The following TET2 variants were observed in gnomAD, a reference collection of about 807,000 sequenced individuals.
TET2 encodes tet methylcytosine dioxygenase 2, also known as methylcytosine dioxygenase TET2.
A neutral mutation model predicts 142.9 loss-of-function variants in TET2; 299 were observed. The ratio of observed to expected loss-of-function variants is 2.09; its 90% confidence interval spans 1.90 to 2.30. The LOEUF is 2.30. Ranked by LOEUF, TET2 falls within the 30% of genes most tolerant of loss-of-function variation. The pLI, the probability that TET2 is intolerant of heterozygous loss-of-function variation, is 0.00. For synonymous variants in TET2, 819 were observed against 849.0 expected, an observed-to-expected ratio of 0.96 and a Z score of 0.61; for missense variants, 2,418 against 2,378.0, an observed-to-expected ratio of 1.02 and a Z score of -0.35.
At chr4:105,225,185 C>CGTGTGTGTGTGTGTGTGTGTGTGTGT (rs79864807) in intron 2 of TET2, among the ~76,000 whole-genome samples, 17 of 147,216 alleles carry the variant, frequency 1.2e-4, no homozygotes, top group African/African-American at 2.0e-4. Context: ...AGTAAAAAAT[C>CGTGTGTGTGTGTGTGTGTGTGTGTGT]GTGTGTGTGT....
At chr4:105,263,750 G>C (rs1730555525) in intron 8 of TET2, among the ~76,000 whole-genome samples, 1 of 152,136 alleles carries the variant, frequency 6.6e-6, no homozygotes. Flanking sequence ...ATTATAAAGA[G>C]GACAAAGGGC....
chr4:105,262,770 A>G (rs1227644055), intron 8 of TET2, among the ~76,000 whole-genome samples: 4 of 151,938 alleles, frequency 2.6e-5, no homozygotes. Flanking sequence ...AATCCCAGCT[A>G]CTCGGAAGGC....
At chr4:105,257,745 A>G (rs7678440) in intron 6 of TET2, among the ~76,000 whole-genome samples, 78,814 of 151,898 alleles carry the variant, frequency 0.52, 20,824 homozygotes, top group African/African-American at 0.6. Flanking sequence ...ATTTACTTTT[A>G]AGCTTTTTTA....
intron 2 of TET2, among the ~76,000 whole-genome samples, chr4:105,228,775 T>C (rs1728326874): frequency 6.6e-6 from 1 of 152,174 alleles, no homozygotes; most frequent in African/African-American, 2.4e-5. Flanking sequence ...AGGATTTATT[T>C]AGATTTATGT....
In TET2 at chr4:105,237,139, C is replaced by G. The variant is rs774246302; in HGVS notation, c.3197C>G (p.Thr1066Ser). 8.7e-6 allele frequency: 14 copies of G among 1,614,022 alleles called. No homozygotes were observed. Among genetic ancestry groups the G allele is most frequent in the African/African-American group, 1.3e-5 (1 of 74,930 alleles). The change falls in exon 3 of 11, where the codon ACT becomes AGT. Residue 1066 changes from threonine to serine, a missense_variant. Physicochemically the swap from Thr to Ser is moderately conservative, Grantham distance 58 (BLOSUM62 1). Coordinates refer to ENST00000380013, the MANE Select transcript of TET2 (RefSeq NM_001127208.3). Reference protein sequence around the residue: ...VEMSGPVTVLTRQTTAAELDS... With the variant: ...VEMSGPVTVLSRQTTAAELDS... The stretch of plus-strand genomic sequence containing the variant: ...ATGTCAGGGCCAGTCACAGTTTTGA[C>G]TAGACAAACCACTGCTGCAGAACTT...
At chr4:105,274,273 A>G (rs376090259) in intron 10 of TET2, among the ~76,000 whole-genome samples, 32 of 152,206 alleles carry the variant, frequency 2.1e-4, no homozygotes, top group African/African-American at 6.8e-4. Context: ...ATGACTTTTT[A>G]AAGTGAGGTC....
chr4:105,237,784 G>A, intron 3 of TET2: 4 of 1,132,018 alleles, frequency 3.5e-6, no homozygotes, highest in Non-Finnish European at 4.4e-6. Context: ...AAATATATTA[G>A]TTTCACAAGA....
In TET2 at chr4:105,236,535, A is replaced by C. The variant is rs763872760; in HGVS notation, c.2593A>C (p.Met865Leu). The C allele has an allele frequency of 3.1e-6, 5 of 1,614,052 alleles. No homozygotes were observed. The highest frequency in any genetic ancestry group is 4.2e-6 in the Non-Finnish European group (5 of 1,180,020). The change falls in exon 3 of 11, where the codon ATG becomes CTG. Residue 865 changes from methionine (M) to leucine (L), a missense_variant. Coordinates refer to ENST00000380013, the MANE Select transcript of TET2 (RefSeq NM_001127208.3). Reference protein sequence around the residue: ...AGNKTQNLHHMQYFPNNVIPK... With the variant: ...AGNKTQNLHHLQYFPNNVIPK... ...AAACAAGACCCAAAACTTGCATCAC[A>C]TGCAATATTTTCCAAATAATGTGAT...
intron 1 of TET2, among the ~76,000 whole-genome samples, chr4:105,167,273 A>C (rs191234182): frequency 1.3e-5 from 2 of 152,208 alleles, no homozygotes; most frequent in East Asian, 3.9e-4. Context: ...AAAATGTATT[A>C]AATTTTGTGG....
rs149790859 is a variant in TET2 at position 105,254,477 on chromosome 4, T to A, written c.3804-5142T>A. On this transcript the variant is annotated intron_variant, in intron 6 of 10. Coordinates refer to ENST00000380013, the MANE Select transcript of TET2 (RefSeq NM_001127208.3). ...CCCAGGCTGGAGTGCAGTAGTATGA[T>A]CTCAGCTCACTGCAGCCTTGACTTC... is the stretch of plus-strand genomic sequence containing the variant. Among the ~76,000 whole-genome samples the A allele has an allele frequency of 2.2e-3, 333 of 152,302 alleles. 2 individuals are homozygous for A. Among genetic ancestry groups the A allele is most frequent in the African/African-American group, 7.6e-3 (315 of 41,574 alleles).
At chr4:105,175,533 G>A (rs1724734156) in intron 1 of TET2, among the ~76,000 whole-genome samples, 1 of 151,878 alleles carries the variant, frequency 6.6e-6, no homozygotes, top group African/African-American at 2.4e-5. Context: ...AAAATGCAAA[G>A]AGAAAAAAGA....
chr4:105,160,486 A>G (rs138876568), intron 1 of TET2, among the ~76,000 whole-genome samples: 4 of 152,326 alleles, frequency 2.6e-5, no homozygotes, highest in African/African-American at 7.2e-5. Context: ...GGATCATTTG[A>G]GATGGATGTC....
chr4:105,255,551 T>C (rs1730080397), intron 6 of TET2, among the ~76,000 whole-genome samples: 1 of 152,196 alleles, frequency 6.6e-6, no homozygotes, highest in Admixed American at 6.5e-5. Flanking sequence ...ATCTTCTATC[T>C]ACTTTTAGCC....
chr4:105,256,887 C>T (rs1047245670), intron 6 of TET2, among the ~76,000 whole-genome samples: 2 of 152,086 alleles, frequency 1.3e-5, no homozygotes, highest in Admixed American at 6.6e-5. Flanking sequence ...GCAGTTATTA[C>T]ACTTTCAGCT....
chr4:105,163,900 T>G (rs1724018879), intron 1 of TET2, among the ~76,000 whole-genome samples: 1 of 149,466 alleles, frequency 6.7e-6, no homozygotes, highest in African/African-American at 2.5e-5. Flanking sequence ...CCAGCTTTGT[T>G]GAGGTATAAT....
intron 8 of TET2, among the ~76,000 whole-genome samples, chr4:105,267,743 A>G (rs1406417139): frequency 6.6e-6 from 1 of 151,944 alleles, no homozygotes; most frequent in Non-Finnish European, 1.5e-5. Context: ...TATAAGGCAG[A>G]GCTTGTGATA....
At position 105,243,656 on chromosome 4, in the gene TET2, GA is replaced by G; in HGVS notation, c.3682del (p.Ile1228PhefsTer25). 6.4e-7 allele frequency: 1 copy of G among 1,551,616 alleles called. No individual in the cohort carries two copies. The highest frequency in any genetic ancestry group is 8.7e-7 in the Non-Finnish European group (1 of 1,146,942). ...GHTCEAAVIV[I>X]LILVWEGIPL... is the part of the protein sequence containing the mutation. ...ACACCTGTGAGGCTGCAGTGATTGTGATTCTCATCCTGGTGTGGGAAGGAAT... is the reference window on the plus strand; with the variant it reads ...ACACCTGTGAGGCTGCAGTGATTGTGTTCTCATCCTGGTGTGGGAAGGAAT... On this transcript the variant is annotated frameshift_variant, in exon 6 of 11. Coordinates refer to ENST00000380013, the MANE Select transcript of TET2 (RefSeq NM_001127208.3). LOFTEE classifies it high-confidence loss of function.
In TET2 at chr4:105,237,044, GT is replaced by G. The variant is rs1256330156; in HGVS notation, c.3105del (p.His1036ThrfsTer19). 6.2e-7 allele frequency: 1 copy of G among 1,614,134 alleles called. No individual in the cohort carries two copies. The highest frequency in any genetic ancestry group is 1.7e-5 in the Admixed American group (1 of 60,014). ...AGACCATGGAGCAGCATCTGAAGCA[GT>G]TTCACGCCAAGTCGTTATTTGACCA... ...IETMEQHLKQFHAKSLFDHKA... is the reference protein window; with the variant it reads ...IETMEQHLKQXHAKSLFDHKA... On this transcript the variant is annotated frameshift_variant, in exon 3 of 11. Transcript: ENST00000380013. LOFTEE classifies it high-confidence loss of function.
intron 1 of TET2, among the ~76,000 whole-genome samples, chr4:105,189,287 T>G (rs1725646185): frequency 6.6e-6 from 1 of 152,146 alleles, no homozygotes; most frequent in Admixed American, 6.6e-5. Context: ...GTCTGGCATT[T>G]ACCAAGAACC....
Sources: allele counts gnomAD v4.1 joint callset (sites outside exome capture counted in the v4.1 genomes callset), GRCh38; gene constraint gnomAD v4.1.1; transcripts MANE v1.5; gene names NCBI Gene and HGNC (gene_info 2026-07-23, HGNC 2026-07-21).